Variants in NRXN3 observed in about 807,000 individuals in gnomAD.
The protein encoded by NRXN3 is neurexin 3.
NRXN3 carries 32 observed loss-of-function variants against 137.6 expected under a neutral mutation model. The observed-to-expected ratio is 0.23, with a 90% CI of 0.18 to 0.31. The LOEUF is 0.31. Ranked by LOEUF, NRXN3 falls within the 10% of genes least tolerant of loss-of-function variation. The pLI is 1.00. For missense variants in NRXN3, 1,574 were observed against 2,062.5 expected (o/e 0.76, Z 4.59); for synonymous variants, 798 against 784.5 (o/e 1.02, Z -0.29).
At chr14:78,367,627 C>T (rs1344426798) in intron 4 of NRXN3, among the ~76,000 whole-genome samples, 1 of 152,262 alleles carries the variant, frequency 6.6e-6, no homozygotes, top group Non-Finnish European at 1.5e-5. Flanking sequence ...GATTTTGTTC[C>T]CTTGGAATCA....
chr14:78,196,486 C>G (rs1485341792), intron 1 of NRXN3, among the ~76,000 whole-genome samples: 1 of 152,202 alleles, frequency 6.6e-6, no homozygotes, highest in Non-Finnish European at 1.5e-5. Flanking sequence ...GTAGAAAAGA[C>G]CAGCTGCGGT....
At chr14:78,255,472 T>A (rs528615548) in intron 2 of NRXN3, among the ~76,000 whole-genome samples, 2 of 152,364 alleles carry the variant, frequency 1.3e-5, no homozygotes, top group African/African-American at 2.4e-5. Flanking sequence ...CAGCCTTGTG[T>A]TAACACAGAT....
intron 15 of NRXN3, among the ~76,000 whole-genome samples, chr14:78,993,892 C>CA (rs561204827): frequency 1.2e-4 from 17 of 136,498 alleles, no homozygotes; most frequent in Middle Eastern, 4.8e-3. Context: ...CTCTGTTGCC[C>CA]AGGCTGGATT....
chr14:79,025,326 G>A (rs1174585961), intron 15 of NRXN3, among the ~76,000 whole-genome samples: 1 of 152,084 alleles, frequency 6.6e-6, no homozygotes, highest in Non-Finnish European at 1.5e-5. Flanking sequence ...CCATCTTACT[G>A]TTGGAACTCT....
intron 8 of NRXN3, among the ~76,000 whole-genome samples, chr14:78,742,368 A>G (rs1353135883): frequency 6.6e-6 from 1 of 152,232 alleles, no homozygotes; most frequent in East Asian, 1.9e-4. Context: ...AATAGCTTGC[A>G]TTAAGCCCTA....
chr14:78,756,125 A>G (rs914157230), intron 8 of NRXN3, among the ~76,000 whole-genome samples: 1 of 152,156 alleles, frequency 6.6e-6, no homozygotes, highest in Non-Finnish European at 1.5e-5. Flanking sequence ...TCCCTAGACA[A>G]TGTTTATGTA....
intron 8 of NRXN3, among the ~76,000 whole-genome samples, chr14:78,726,989 G>A (rs993408272): frequency 2.2e-5 from 3 of 138,758 alleles, no homozygotes; most frequent in African/African-American, 7.6e-5. Flanking sequence ...CCTTCACTAG[G>A]TGCTTATCAT....
At chr14:78,814,171 T>C (rs1287565047) in intron 10 of NRXN3, among the ~76,000 whole-genome samples, 2 of 152,234 alleles carry the variant, frequency 1.3e-5, no homozygotes, top group Non-Finnish European at 1.5e-5. Context: ...AGTTTGTTGC[T>C]GAATTTGATT....
At chr14:78,672,875 A>G (rs1322045907) in intron 6 of NRXN3, among the ~76,000 whole-genome samples, 1 of 152,204 alleles carries the variant, frequency 6.6e-6, no homozygotes, top group Non-Finnish European at 1.5e-5. Flanking sequence ...GGTTTATTAT[A>G]CTGGAGATTT....
chr14:78,968,382 T>C, intron 14 of NRXN3, 36 bp downstream of exon 14: 1 of 1,599,218 alleles, frequency 6.3e-7, no homozygotes, highest in Non-Finnish European at 8.5e-7. Flanking sequence ...GCTACAGCCT[T>C]GTTGCAAGCA....
At chr14:79,436,350 T>C (rs1465324388) in intron 15 of NRXN3, among the ~76,000 whole-genome samples, 1 of 152,210 alleles carries the variant, frequency 6.6e-6, no homozygotes, top group Non-Finnish European at 1.5e-5. Context: ...TCCTCTCTGG[T>C]GTTTGAATGC....
chr14:79,053,432 C>A (rs10141996), intron 15 of NRXN3, among the ~76,000 whole-genome samples: 49,029 of 152,062 alleles, frequency 0.32, 8,457 homozygotes, highest in Admixed American at 0.46. Context: ...AAAGCTCTTG[C>A]TTTTAGCCAT....
At chr14:78,478,597 TAGGAGATGC>T (rs1173227355) in intron 4 of NRXN3, among the ~76,000 whole-genome samples, 1 of 152,052 alleles carries the variant, frequency 6.6e-6, no homozygotes, top group Admixed American at 6.5e-5. Context: ...GGGGAAAATG[TAGGAGATGC>T]AGAAGAGAAT....
intron 11 of NRXN3, among the ~76,000 whole-genome samples, chr14:78,960,857 A>G (rs892952532): frequency 6.6e-6 from 1 of 152,152 alleles, no homozygotes; most frequent in African/African-American, 2.4e-5. Context: ...TTTAAAATGT[A>G]TTTCTCATAG....
At chr14:79,168,605 T>C (rs1200020452) in intron 15 of NRXN3, among the ~76,000 whole-genome samples, 1 of 151,944 alleles carries the variant, frequency 6.6e-6, no homozygotes, top group African/African-American at 2.4e-5. Context: ...ACAAGGCCAA[T>C]GTTATCTCCT....
At chr14:79,775,785 G>T (rs2099095128) in intron 19 of NRXN3, among the ~76,000 whole-genome samples, 2 of 152,084 alleles carry the variant, frequency 1.3e-5, no homozygotes, top group Admixed American at 6.6e-5. Context: ...AAGTAGAAAG[G>T]CTATGTTTGA....
chr14:79,496,172 A>T (rs900164838), intron 16 of NRXN3, among the ~76,000 whole-genome samples: 1 of 151,944 alleles, frequency 6.6e-6, no homozygotes, highest in Admixed American at 6.6e-5. Context: ...AAAGGAAAAA[A>T]ATCAGATAAT....
intron 8 of NRXN3, among the ~76,000 whole-genome samples, chr14:78,788,593 A>C (rs898004317): frequency 1.3e-5 from 2 of 152,120 alleles, no homozygotes; most frequent in Non-Finnish European, 1.5e-5. Flanking sequence ...CACTCACTTT[A>C]TCTCTTTCCC....
chr14:79,796,478 T>A (rs116544834), intron 19 of NRXN3, among the ~76,000 whole-genome samples: 2,146 of 152,164 alleles, frequency 0.014, 41 homozygotes, highest in African/African-American at 0.05. Context: ...TCTCTCTTGA[T>A]CTACCCTTCC....
Sources: allele counts gnomAD v4.1 joint callset (sites outside exome capture counted in the v4.1 genomes callset), GRCh38; gene constraint gnomAD v4.1.1; transcripts MANE v1.5; gene names NCBI Gene and HGNC (gene_info 2026-07-23, HGNC 2026-07-21).